Variants in SSBP3 observed in about 807,000 individuals in gnomAD.
The protein encoded by SSBP3 is single stranded DNA binding protein 3, also known as single-stranded DNA-binding protein 3.
A neutral mutation model predicts 69.6 loss-of-function variants in SSBP3; 5 were observed. That is an observed-to-expected ratio of 0.07 (90% confidence interval 0.04 to 0.15). SSBP3 has a LOEUF of 0.15. Ranked by LOEUF, SSBP3 falls within the 10% of genes least tolerant of loss-of-function variation. The probability of loss-of-function intolerance (pLI) is 1.00; values close to 1 mark genes in which losing one functional copy is unlikely to be tolerated. For synonymous variants in SSBP3, 196 were observed against 193.4 expected, an observed-to-expected ratio of 1.01 and a Z score of -0.11; for missense variants, 312 against 534.0, an observed-to-expected ratio of 0.58 and a Z score of 4.10.
chr1:54,314,513 C>T (rs1646061325), intron 4 of SSBP3, among the ~76,000 whole-genome samples: 1 of 152,180 alleles, frequency 6.6e-6, no homozygotes, highest in Non-Finnish European at 1.5e-5. Context: ...AGCAAAAGCT[C>T]CCTACCTGGC....
intron 9 of SSBP3, among the ~76,000 whole-genome samples, chr1:54,248,734 T>C (rs1481173267): frequency 6.6e-6 from 1 of 152,170 alleles, no homozygotes; most frequent in East Asian, 1.9e-4. Context: ...AATGCCAGGC[T>C]TTCCTGACCC....
At chr1:54,305,014 A>G (rs937225475) in intron 4 of SSBP3, among the ~76,000 whole-genome samples, 14 of 152,156 alleles carry the variant, frequency 9.2e-5, no homozygotes, top group Non-Finnish European at 1.5e-4. Flanking sequence ...AGCATGGCTG[A>G]GGCTGTCCTC....
chr1:54,246,790 G>A (rs1170494679), intron 9 of SSBP3, among the ~76,000 whole-genome samples: 1 of 152,262 alleles, frequency 6.6e-6, no homozygotes, highest in Non-Finnish European at 1.5e-5. Flanking sequence ...AGGCCACACA[G>A]ATGTCAGGAG....
chr1:54,347,598 C>G (rs1006060584), intron 4 of SSBP3, among the ~76,000 whole-genome samples: 7 of 152,200 alleles, frequency 4.6e-5, no homozygotes. Flanking sequence ...GATTCTACAT[C>G]CTTTTGCAAG....
intron 5 of SSBP3, among the ~76,000 whole-genome samples, chr1:54,277,455 T>C (rs1341435111): frequency 1.3e-5 from 2 of 152,200 alleles, no homozygotes; most frequent in Non-Finnish European, 1.5e-5. Context: ...ATTTGGACTT[T>C]GGAGTGTTTG....
At chr1:54,250,201 C>G (rs959459581) in intron 9 of SSBP3, among the ~76,000 whole-genome samples, 4 of 152,198 alleles carry the variant, frequency 2.6e-5, no homozygotes. Flanking sequence ...GAAACGCGAA[C>G]TTTGGAGGAT....
chr1:54,257,104 G>C (rs993921581), intron 7 of SSBP3, 23 bp downstream of exon 7: 1 of 1,595,354 alleles, frequency 6.3e-7, no homozygotes, highest in Non-Finnish European at 8.5e-7. Context: ...GGAGGGGAGA[G>C]AGAACATGAA....
rs531934448 is a variant in SSBP3 at position 54,251,522 on chromosome 1, G to A, written c.651+94C>T. 19 of 1,321,130 alleles carry A rather than the reference G, an allele frequency of 1.4e-5. No individual in the cohort carries two copies. In the South Asian group the frequency reaches 2.2e-4, roughly 15 times the overall value. 81.8% of individuals were successfully genotyped at this position (1,321,130 alleles called of 1,614,324 possible). A position where few individuals can be genotyped will look rare whatever the true frequency, so the allele number is the denominator to read the frequency against. On this transcript the variant is annotated intron_variant, in intron 9 of 17. Transcript: ENST00000610401. The stretch of plus-strand genomic sequence containing the variant: ...CCTTCCTCTCACCCCTGCGAACTGA[G>A]AGATGTGGGAGACTGACAGAGCATG...
At chr1:54,262,424 A>C (rs149067887) in intron 5 of SSBP3, among the ~76,000 whole-genome samples, 359 of 152,256 alleles carry the variant, frequency 2.4e-3, no homozygotes, top group African/African-American at 8.1e-3. Flanking sequence ...GCAGAAAGCA[A>C]AGGGCAAAGT....
At chr1:54,371,086 G>A (rs549744789) in intron 4 of SSBP3, among the ~76,000 whole-genome samples, 15 of 152,314 alleles carry the variant, frequency 9.8e-5, no homozygotes, top group South Asian at 4.1e-4. Context: ...CCACCCAAGG[G>A]GGGGTATGCT....
At chr1:54,305,194 C>T (rs12063760) in intron 4 of SSBP3, among the ~76,000 whole-genome samples, 6,011 of 152,218 alleles carry the variant, frequency 0.039, 418 homozygotes, top group African/African-American at 0.14. Flanking sequence ...GAAACCACCA[C>T]CCTTTACTGC....
chr1:54,248,880 T>G lies in SSBP3; in HGVS notation c.651+2736A>C, dbSNP rs150480039. ...GGGTCTCCACATTGATAAAGTAAAA[T>G]AAAGAGCAGGAGATATGCTTCCAGA... On this transcript the variant is annotated intron_variant, in intron 9 of 17. Coordinates refer to ENST00000610401, the Ensembl canonical transcript of SSBP3. Among the ~76,000 whole-genome samples, 67 of 152,102 alleles carry G rather than the reference T, an allele frequency of 4.4e-4. 3 individuals carry two copies. The East Asian group carries it at 0.011, about 25-fold the overall frequency.
intron 4 of SSBP3, among the ~76,000 whole-genome samples, chr1:54,347,374 A>C (rs1362325297): frequency 6.6e-6 from 1 of 151,754 alleles, no homozygotes; most frequent in African/African-American, 2.4e-5. Flanking sequence ...CCTTTTTAAA[A>C]AAAAAAAAAA....
chr1:54,379,985 G>C (rs1030552149), intron 4 of SSBP3, among the ~76,000 whole-genome samples: 1 of 152,198 alleles, frequency 6.6e-6, no homozygotes, highest in Admixed American at 6.5e-5. Context: ...TCACAGTGGG[G>C]ACAATGGGGC....
chr1:54,302,405 C>T (rs1214993562), intron 4 of SSBP3, among the ~76,000 whole-genome samples: 4 of 151,658 alleles, frequency 2.6e-5, no homozygotes, highest in Admixed American at 1.3e-4. Flanking sequence ...TTCCATCTCC[C>T]GGTTCAAGTG....
At chr1:54,335,554 T>C (rs111995955) in intron 4 of SSBP3, among the ~76,000 whole-genome samples, 12 of 152,286 alleles carry the variant, frequency 7.9e-5, no homozygotes, top group African/African-American at 2.6e-4. Flanking sequence ...CTGAAGATCA[T>C]GTGTCCGGCC....
chr1:54,399,234 G>A, intron 4 of SSBP3, among the ~76,000 whole-genome samples: 1 of 152,364 alleles, frequency 6.6e-6, no homozygotes, highest in East Asian at 1.9e-4. Context: ...CCCTAAGTGA[G>A]AAGTTAGGTG....
intron 4 of SSBP3, among the ~76,000 whole-genome samples, chr1:54,296,012 T>C (rs925966958): frequency 7.9e-5 from 12 of 152,240 alleles, no homozygotes; most frequent in African/African-American, 2.7e-4. Flanking sequence ...ATCCAAATAT[T>C]TGTAATGCCT....
intron 4 of SSBP3, among the ~76,000 whole-genome samples, chr1:54,398,233 C>T (rs368508323): frequency 2.0e-5 from 3 of 152,142 alleles, no homozygotes; most frequent in African/African-American, 7.2e-5. Flanking sequence ...ACCCAACCGA[C>T]GAGGCAGCTG....
Sources: gnomAD v4.1 joint callset for allele counts (sites outside exome capture counted in the v4.1 genomes callset) on GRCh38, gnomAD v4.1.1 for gene constraint, MANE v1.5 for transcripts, NCBI Gene and HGNC (gene_info 2026-07-23, HGNC 2026-07-21) for gene names.